Variants in CDK14 observed in about 807,000 individuals in gnomAD.
CDK14 encodes the protein cyclin-dependent kinase 14.
CDK14 carries 34 observed loss-of-function variants against 60.7 expected under a neutral mutation model. The ratio of observed to expected loss-of-function variants is 0.56; its 90% CI spans 0.43 to 0.75. The LOEUF (loss-of-function observed/expected upper bound fraction) is 0.75, where lower values mean the gene tolerates loss of function less well. CDK14 is among the 30% of genes least tolerant of loss of function. The pLI is 0.00. For synonymous variants in CDK14, 197 were observed against 203.7 expected (o/e 0.97, Z 0.28); for missense variants, 482 against 564.1 (o/e 0.85, Z 1.47).
rs1017778704 is a variant in CDK14, at chr7:91,062,723, C to T, written c.1106-16709C>T. On this transcript the variant is annotated intron_variant, in intron 11 of 14. Coordinates refer to ENST00000380050, the MANE Select transcript of CDK14 (RefSeq NM_001287135.2). ...GGTAGACAGGGCAGATGGACAAAGCCGAAGCTCAGTGAGGAAAATACTGTT... is the reference window on the plus strand; with the variant it reads ...GGTAGACAGGGCAGATGGACAAAGCTGAAGCTCAGTGAGGAAAATACTGTT... 2.6e-5 allele frequency among the ~76,000 whole-genome samples: 4 copies of T among 151,948 alleles called. No individual in the cohort carries two copies. The South Asian group carries it at 8.3e-4, about 32-fold the overall frequency.
At position 90,969,164 on chromosome 7, in the gene CDK14, G is replaced by A. The variant is rs148424039; in HGVS notation, c.947+13347G>A. Among the ~76,000 whole-genome samples, 789 of 152,136 alleles carry A rather than the reference G, an allele frequency of 5.2e-3. 8 individuals carry two copies. Among genetic ancestry groups the A allele is most frequent in the African/African-American group, 0.018 (740 of 41,484 alleles). ...GTACCGGAAAGGTTTTTGCCTTTAG[G>A]TCTTGCATCTATTATCTCAGATATT... On this transcript the variant is annotated intron_variant, in intron 9 of 14. Transcript: ENST00000380050.
At chr7:91,191,524 T>G (rs995466487) in intron 14 of CDK14, among the ~76,000 whole-genome samples, 1 of 151,790 alleles carries the variant, frequency 6.6e-6, no homozygotes, top group Non-Finnish European at 1.5e-5. Context: ...TATATTCATA[T>G]ATAATATATA....
At chr7:90,898,376 AG>A (rs546473801) in intron 6 of CDK14, among the ~76,000 whole-genome samples, 274 of 152,254 alleles carry the variant, frequency 1.8e-3, no homozygotes, top group Non-Finnish European at 2.9e-3. Flanking sequence ...GCTTAATAAC[AG>A]AACCTGAACT....
intron 2 of CDK14, among the ~76,000 whole-genome samples, chr7:90,643,165 G>A (rs1800380264): frequency 6.6e-6 from 1 of 152,196 alleles, no homozygotes; most frequent in Non-Finnish European, 1.5e-5. Context: ...GCAAGATGAG[G>A]ACAAAGAGAG....
chr7:90,955,555 G>A, intron 8 of CDK14, 142 bp from the exon 9 acceptor site: 2 of 802,632 alleles, frequency 2.5e-6, no homozygotes, highest in South Asian at 3.4e-5. Context: ...GCTTTCCCCA[G>A]TTTTCTATTA....
intron 14 of CDK14, among the ~76,000 whole-genome samples, chr7:91,205,299 C>T (rs1190077947): frequency 6.6e-6 from 1 of 152,102 alleles, no homozygotes; most frequent in Non-Finnish European, 1.5e-5. Context: ...TATAAATCAA[C>T]CAATGAATGG....
chr7:91,197,462 C>T (rs1802583945), intron 14 of CDK14, among the ~76,000 whole-genome samples: 1 of 151,450 alleles, frequency 6.6e-6, no homozygotes, highest in Non-Finnish European at 1.5e-5. Flanking sequence ...GACAGCTGGT[C>T]ACCCTAGTTC....
At chr7:90,947,714 A>G (rs1300874629) in intron 8 of CDK14, among the ~76,000 whole-genome samples, 3 of 152,080 alleles carry the variant, frequency 2.0e-5, no homozygotes, top group Admixed American at 1.3e-4. Flanking sequence ...AAGAAAAAGA[A>G]CTCTAGGTGG....
intron 2 of CDK14, among the ~76,000 whole-genome samples, chr7:90,653,863 T>G (rs1312609546): frequency 4.6e-5 from 7 of 152,276 alleles, no homozygotes; most frequent in Non-Finnish European, 1.0e-4. Context: ...TTCCCCACCC[T>G]GTGTCCAAGT....
chr7:90,838,727 A>C (rs1790194871), intron 5 of CDK14, among the ~76,000 whole-genome samples: 1 of 152,254 alleles, frequency 6.6e-6, no homozygotes, highest in East Asian at 1.9e-4. Context: ...AGGATTGGGA[A>C]ATTCCAGCCT....
intron 9 of CDK14, among the ~76,000 whole-genome samples, chr7:90,958,845 A>G (rs1794511506): frequency 6.6e-6 from 1 of 152,116 alleles, no homozygotes; most frequent in Non-Finnish European, 1.5e-5. Context: ...GCTTGGAGCC[A>G]GTTTTTGTCT....
intron 10 of CDK14, among the ~76,000 whole-genome samples, chr7:91,002,163 T>A (rs1795855138): frequency 2.0e-5 from 3 of 152,140 alleles, no homozygotes; most frequent in Admixed American, 1.3e-4. Context: ...GAAATGAAAT[T>A]TCACCAATAA....
rs61201271 is a variant in CDK14 at position 90,863,698 on chromosome 7, T to TGTG, written c.639+429_639+430insGTG. Among the ~76,000 whole-genome samples, 48 of 58,520 alleles carry TGTG rather than the reference T, an allele frequency of 8.2e-4. 1 individual carries two copies. The highest frequency in any genetic ancestry group is 2.0e-3 in the African/African-American group (38 of 18,678). The allele number at this position is 58,520 out of a possible 152,430, so 38.4% of individuals were successfully genotyped here. Reference sequence around the variant, plus strand: ...TGTGTGTGTGTGTGTGTGTGTGTGTTTGTGTGTGTGTGTGTAGGAAAGCCT... The same window carrying TGTG: ...TGTGTGTGTGTGTGTGTGTGTGTGTTGTGTGTGTGTGTGTGTGTAGGAAAGCCT... On this transcript the variant is annotated intron_variant, in intron 6 of 14. Transcript: ENST00000380050.
chr7:90,937,234 G>T (rs1330100447), intron 8 of CDK14, among the ~76,000 whole-genome samples: 1 of 152,016 alleles, frequency 6.6e-6, no homozygotes, highest in Non-Finnish European at 1.5e-5. Context: ...TTCCTGTCAG[G>T]AATCACATAG....
At chr7:90,942,719 T>C (rs1017472711) in intron 8 of CDK14, among the ~76,000 whole-genome samples, 1 of 152,186 alleles carries the variant, frequency 6.6e-6, no homozygotes, top group Non-Finnish European at 1.5e-5. Context: ...CTCAGAAACA[T>C]GGCTCTGCTA....
At chr7:91,046,244 T>A (rs1270264168) in intron 11 of CDK14, among the ~76,000 whole-genome samples, 3 of 152,180 alleles carry the variant, frequency 2.0e-5, no homozygotes, top group Non-Finnish European at 4.4e-5. Context: ...CTAGCATCCA[T>A]GTCTATAAAA....
intron 3 of CDK14, among the ~76,000 whole-genome samples, chr7:90,743,650 C>A (rs891194613): frequency 6.6e-6 from 1 of 151,886 alleles, no homozygotes; most frequent in South Asian, 2.1e-4. Context: ...TTGTTTGATA[C>A]ATTTCAAAAC....
intron 5 of CDK14, among the ~76,000 whole-genome samples, chr7:90,810,345 G>A (rs6465291): frequency 0.64 from 97,171 of 152,064 alleles, 31,489 homozygotes; most frequent in East Asian, 0.96. Flanking sequence ...GTAATCCAGC[G>A]TAGAAACAGA....
At chr7:90,979,368 A>C (rs1406698052) in intron 9 of CDK14, 1 of 152,132 alleles carries the variant, frequency 6.6e-6, no homozygotes, top group Non-Finnish European at 1.5e-5. Context: ...CTGTTTTCTC[A>C]ACCTGGAATA....
Sources: gnomAD v4.1 joint callset for allele counts (sites outside exome capture counted in the v4.1 genomes callset) on GRCh38, gnomAD v4.1.1 for gene constraint, MANE v1.5 for transcripts, NCBI Gene and HGNC (gene_info 2026-07-23, HGNC 2026-07-21) for gene names.